Variants in TASP1 observed in about 807,000 individuals in gnomAD.
TASP1 encodes the protein threonine aspartase 1.
Under a neutral mutation model 56.6 loss-of-function variants are expected in TASP1, and 16 were observed. The observed-to-expected ratio is 0.28, with a 90% CI of 0.19 to 0.43. TASP1 has a LOEUF of 0.43. Among genes scored for constraint, TASP1 ranks in the 20% least tolerant of loss-of-function variants. The probability of loss-of-function intolerance (pLI) is 1.00; values close to 1 mark genes in which losing one functional copy is unlikely to be tolerated. For synonymous variants in TASP1, 179 were observed against 184.2 expected (o/e 0.97, Z 0.23); for missense variants, 393 against 511.6 (o/e 0.77, Z 2.24).
intron 7 of TASP1, among the ~76,000 whole-genome samples, chr20:13,560,196 G>A (rs1293321258): frequency 1.3e-5 from 2 of 152,170 alleles, no homozygotes; most frequent in Admixed American, 6.5e-5. Flanking sequence ...AGTTATTGAA[G>A]TTTTCTGATA....
the TASP1 span, among the ~76,000 whole-genome samples, chr20:13,243,674 C>G: frequency 1.3e-5 from 2 of 152,270 alleles, no homozygotes; most frequent in South Asian, 4.1e-4. Flanking sequence ...TAGCCCTTCA[C>G]TAATGCCAAA....
At chr20:13,615,292 C>T (rs930984842) in intron 4 of TASP1, among the ~76,000 whole-genome samples, 1 of 152,112 alleles carries the variant, frequency 6.6e-6, no homozygotes, top group South Asian at 2.1e-4. Flanking sequence ...GTACACCATG[C>T]AGGAGGCTGG....
At chr20:13,633,830 CAA>C (rs78786884) in intron 1 of TASP1, among the ~76,000 whole-genome samples, 7 of 128,128 alleles carry the variant, frequency 5.5e-5, no homozygotes, top group African/African-American at 8.7e-5. Context: ...AGGTTTAGAC[CAA>C]AAAAAAAAAA....
At chr20:13,452,253 C>A (rs1032770212) in intron 11 of TASP1, among the ~76,000 whole-genome samples, 4 of 152,080 alleles carry the variant, frequency 2.6e-5, no homozygotes, top group East Asian at 1.9e-4. Flanking sequence ...TTGTTCAATG[C>A]AGAGTTGCCA....
At chr20:13,538,963 G>A (rs139591551) in intron 8 of TASP1, among the ~76,000 whole-genome samples, 30 of 152,130 alleles carry the variant, frequency 2.0e-4, no homozygotes, top group Middle Eastern at 3.4e-3. Flanking sequence ...TGGGAGAATC[G>A]CTTGAACCCA....
At chr20:13,502,928 C>G (rs1008585550) in intron 10 of TASP1, among the ~76,000 whole-genome samples, 1 of 152,084 alleles carries the variant, frequency 6.6e-6, no homozygotes, top group African/African-American at 2.4e-5. Context: ...GCCCCTCCCC[C>G]AAGGTGGCAC....
chr20:13,108,075 G>A, the TASP1 span, among the ~76,000 whole-genome samples: 2 of 152,060 alleles, frequency 1.3e-5, no homozygotes, highest in East Asian at 1.9e-4. Context: ...TTCAGGACCC[G>A]ATACCCAGTC....
chr20:13,192,816 A>G, the TASP1 span, among the ~76,000 whole-genome samples: 1 of 151,812 alleles, frequency 6.6e-6, no homozygotes, highest in Non-Finnish European at 1.5e-5. Flanking sequence ...AGCCTCCCAA[A>G]CTGCTAGAAT....
intron 10 of TASP1, among the ~76,000 whole-genome samples, chr20:13,493,375 C>A (rs2043607928): frequency 1.3e-5 from 2 of 152,136 alleles, no homozygotes; most frequent in Admixed American, 1.3e-4. Flanking sequence ...TAGGTGCTAT[C>A]CAACTGGCTG....
chr20:13,401,592 AAT>A (rs1221716332), intron 13 of TASP1, among the ~76,000 whole-genome samples: 3 of 152,238 alleles, frequency 2.0e-5, no homozygotes, highest in Admixed American at 6.5e-5. Flanking sequence ...CATAGAAACC[AAT>A]ATCTTTTCTC....
chr20:13,445,505 AT>A (rs1211153348), intron 11 of TASP1, among the ~76,000 whole-genome samples: 2 of 152,172 alleles, frequency 1.3e-5, no homozygotes, highest in East Asian at 3.8e-4. Flanking sequence ...CAAACCCATC[AT>A]CCAGCAACAG....
chr20:13,554,884 G>A (rs1352026426), intron 8 of TASP1, among the ~76,000 whole-genome samples: 1 of 152,170 alleles, frequency 6.6e-6, no homozygotes, highest in Admixed American at 6.5e-5. Flanking sequence ...TAATCAGGGT[G>A]GCAGTTGCTC....
At chr20:13,408,448 T>A (rs1184462724) in intron 13 of TASP1, among the ~76,000 whole-genome samples, 1 of 152,200 alleles carries the variant, frequency 6.6e-6, no homozygotes, top group Non-Finnish European at 1.5e-5. Context: ...TCATGACAGC[T>A]ATTGGTCTGT....
At chr20:13,506,988 A>G (rs2146686048) in intron 10 of TASP1, among the ~76,000 whole-genome samples, 1 of 152,264 alleles carries the variant, frequency 6.6e-6, no homozygotes, top group Admixed American at 6.5e-5. Context: ...AACTGTTACT[A>G]TTGGCAGATG....
chr20:13,502,460 A>AGGT (rs1376881586), intron 10 of TASP1, among the ~76,000 whole-genome samples: 1 of 152,184 alleles, frequency 6.6e-6, no homozygotes, highest in Non-Finnish European at 1.5e-5. Context: ...TAAAACACAG[A>AGGT]GGACTATACA....
the TASP1 span, among the ~76,000 whole-genome samples, chr20:13,287,169 A>G: frequency 3.3e-5 from 5 of 152,196 alleles, no homozygotes; most frequent in South Asian, 1.0e-3. Context: ...AGACTGGGTA[A>G]TTTATAAAGG....
At chr20:13,263,440 A>T in the TASP1 span, among the ~76,000 whole-genome samples, 33,677 of 151,504 alleles carry the variant, frequency 0.22, 4,101 homozygotes, top group East Asian at 0.45. Context: ...ATGGTCTAAA[A>T]CTCACTTTAT....
intron 11 of TASP1, among the ~76,000 whole-genome samples, chr20:13,482,189 T>G (rs560803648): frequency 2.6e-5 from 4 of 152,228 alleles, no homozygotes; most frequent in African/African-American, 9.6e-5. Context: ...CCAGAGCGTA[T>G]GTTCTTGACA....
chr20:13,263,140 A>T, the TASP1 span, among the ~76,000 whole-genome samples: 1 of 152,150 alleles, frequency 6.6e-6, no homozygotes, highest in African/African-American at 2.4e-5. Context: ...TTGCACTGTC[A>T]TGCTTGCTAT....
Sources: gnomAD v4.1 joint callset for allele counts (sites outside exome capture counted in the v4.1 genomes callset) on GRCh38, gnomAD v4.1.1 for gene constraint, MANE v1.5 for transcripts, NCBI Gene and HGNC (gene_info 2026-07-23, HGNC 2026-07-21) for gene names.